Variants in SMC2 observed in about 807,000 individuals in gnomAD.
SMC2 encodes structural maintenance of chromosomes protein 2.
In SMC2, 41 loss-of-function variants were observed where a neutral mutation model predicts 142.6. The observed-to-expected ratio is 0.29, with a 90% confidence interval of 0.22 to 0.37. The LOEUF (loss-of-function observed/expected upper bound fraction) is 0.37, where lower values mean the gene tolerates loss of function less well. Among genes scored for constraint, SMC2 ranks in the 10% least tolerant of loss-of-function variants. The pLI is 1.00. For missense variants in SMC2, 1,265 were observed against 1,373.7 expected, an observed-to-expected ratio of 0.92 and a Z score of 1.25; for synonymous variants, 463 against 457.5, an observed-to-expected ratio of 1.01 and a Z score of -0.15.
At chr9:104,102,329 C>G in intron 8 of SMC2, 95 bp from the exon 9 acceptor site, 2 of 1,231,390 alleles carry the variant, frequency 1.6e-6, no homozygotes, top group South Asian at 1.6e-5. Context: ...AATGAAATAA[C>G]TTATAAAAAA....
chr9:104,100,892 A>G (rs185063395), intron 7 of SMC2, among the ~76,000 whole-genome samples: 1 of 152,340 alleles, frequency 6.6e-6, no homozygotes, highest in East Asian at 1.9e-4. Context: ...GCAGCTCCTG[A>G]CTGTCAAAAG....
chr9:104,126,832 T>A, intron 19 of SMC2, 48 bp downstream of exon 19: 2 of 1,519,342 alleles, frequency 1.3e-6, no homozygotes, highest in African/African-American at 2.8e-5. Context: ...CGAATCTTTT[T>A]ATGAAACATT....
intron 10 of SMC2, among the ~76,000 whole-genome samples, chr9:104,112,336 TAA>T (rs1261712583): frequency 6.6e-6 from 1 of 152,326 alleles, no homozygotes; most frequent in East Asian, 1.9e-4. Flanking sequence ...TTCATAATCT[TAA>T]AAGTCTTGTC....
chr9:104,137,208 C>G (rs1484085967), intron 23 of SMC2, among the ~76,000 whole-genome samples: 1 of 152,160 alleles, frequency 6.6e-6, no homozygotes, highest in South Asian at 2.1e-4. Context: ...CCAGGATGTA[C>G]TTGAAGTTAC....
the SMC2 span, among the ~76,000 whole-genome samples, chr9:104,088,987 A>G: frequency 2.6e-5 from 4 of 152,168 alleles, no homozygotes; most frequent in Non-Finnish European, 5.9e-5. Flanking sequence ...AGTTAAAAAA[A>G]AAAAAAAGAC....
chr9:104,113,667 A>G (rs1832748539), intron 11 of SMC2, among the ~76,000 whole-genome samples, 192 bp downstream of exon 11: 1 of 152,180 alleles, frequency 6.6e-6, no homozygotes, highest in South Asian at 2.1e-4. Context: ...TTGAGAACTC[A>G]GTATTGAGAA....
At chr9:104,118,148 G>A in intron 14 of SMC2, 23 bp from the exon 15 acceptor site, 1 of 1,598,902 alleles carries the variant, frequency 6.3e-7, no homozygotes, top group Non-Finnish European at 8.6e-7. Context: ...ATGTACTGTG[G>A]CATATCTGTT....
At position 104,102,082 on chromosome 9, in the gene SMC2, A is replaced by C. The variant is rs1831201741; in HGVS notation, c.759A>C (p.Leu253Phe). The change falls in exon 8 of 25, where the codon TTA (leucine) becomes TTC (phenylalanine). Residue 253 changes from leucine to phenylalanine, a missense_variant. Physicochemically the swap from Leu to Phe is conservative, Grantham distance 22. Around this residue, in one of 4 missense-constraint regions of SMC2, gnomAD observed 898 missense variants for 904.2 expected, o/e 0.99. Transcript: ENST00000374793. ...CCAAAGTACGCTCAGCTGAGGAATT[A>C]AAAGAAATGCAAGATAAAGTTATAA... ...EDTKVRSAEE[L>F]KEMQDKVIKL... 1.2e-6 allele frequency: 2 copies of C among 1,609,434 alleles called. No homozygotes were observed. The highest frequency in any genetic ancestry group is 4.5e-5 in the East Asian group (2 of 44,736).
upstream of SMC2, among the ~76,000 whole-genome samples, chr9:104,093,424 C>G (rs961866655): frequency 6.6e-6 from 1 of 152,142 alleles, no homozygotes; most frequent in African/African-American, 2.4e-5. Context: ...GCTTACTAGA[C>G]AAGCTGTTTA....
At chr9:104,100,347 A>T in intron 6 of SMC2, 42 bp from the exon 7 acceptor site, 2 of 1,483,610 alleles carry the variant, frequency 1.3e-6, no homozygotes, top group Non-Finnish European at 1.9e-6. Flanking sequence ...AATTTTAATG[A>T]TACTTTACAT....
the SMC2 span, among the ~76,000 whole-genome samples, chr9:104,088,852 A>G: frequency 1.3e-5 from 2 of 152,160 alleles, no homozygotes; most frequent in African/African-American, 4.8e-5. Flanking sequence ...ATCCCAGCAC[A>G]TAACACAATT....
intron 12 of SMC2, 35 bp downstream of exon 12, chr9:104,114,116 A>G (rs368336564): frequency 1.8e-4 from 224 of 1,232,124 alleles, no homozygotes; most frequent in Non-Finnish European, 2.2e-4. Context: ...TAACATAGTA[A>G]TAATCAAGAC....
chr9:104,110,967 A>G (rs1435395137), intron 9 of SMC2, among the ~76,000 whole-genome samples: 1 of 152,234 alleles, frequency 6.6e-6, no homozygotes, highest in Non-Finnish European at 1.5e-5. Context: ...GGCCTACTAT[A>G]TAGTAAGCAC....
chr9:104,104,105 C>CT (rs1175246087), intron 9 of SMC2, among the ~76,000 whole-genome samples: 1 of 152,130 alleles, frequency 6.6e-6, no homozygotes, highest in African/African-American at 2.4e-5. Context: ...GGCTAGCACT[C>CT]TGATATCTTT....
chr9:104,111,870 C>A, intron 10 of SMC2, 56 bp downstream of exon 10: 2 of 1,242,818 alleles, frequency 1.6e-6, no homozygotes, highest in Admixed American at 2.4e-5. Flanking sequence ...AGTTTCTTTT[C>A]ATGTTATGCT....
At chr9:104,108,330 A>G (rs1832044379) in intron 9 of SMC2, among the ~76,000 whole-genome samples, 1 of 152,120 alleles carries the variant, frequency 6.6e-6, no homozygotes, top group South Asian at 2.1e-4. Flanking sequence ...ACTCTAAACT[A>G]TGCCATTTAG....
intron 23 of SMC2, among the ~76,000 whole-genome samples, chr9:104,137,065 T>A (rs757686963): frequency 6.6e-5 from 10 of 152,124 alleles, no homozygotes; most frequent in Non-Finnish European, 1.2e-4. Flanking sequence ...GTAGAATTGC[T>A]TGAACCTGGG....
chr9:104,098,422 T>G, intron 3 of SMC2, 24 bp from the exon 4 acceptor site: 1 of 1,554,996 alleles, frequency 6.4e-7, no homozygotes, highest in Non-Finnish European at 8.7e-7. Context: ...ACATTAATAT[T>G]TAAAAAATTG....
intron 3 of SMC2, among the ~76,000 whole-genome samples, chr9:104,096,579 A>T (rs1830464655): frequency 6.6e-6 from 1 of 152,204 alleles, no homozygotes; most frequent in Non-Finnish European, 1.5e-5. Flanking sequence ...TTGTTCTTGA[A>T]CACCTGTGTA....
Sources: gnomAD v4.1 joint callset for allele counts (sites outside exome capture counted in the v4.1 genomes callset) on GRCh38, gnomAD v4.1.1 for gene constraint, gnomAD v4.1.1 regional missense constraint, MANE v1.5 for transcripts, NCBI Gene and HGNC (gene_info 2026-07-23, HGNC 2026-07-21) for gene names.